PLEKHG4B: variants seen among roughly 807,000 people sequenced by gnomAD.
The protein encoded by PLEKHG4B is pleckstrin homology domain-containing family G member 4B.
A neutral mutation model predicts 121.3 loss-of-function variants in PLEKHG4B; 111 were observed. The ratio of observed to expected loss-of-function variants is 0.92; its 90% CI spans 0.78 to 1.07. The LOEUF (loss-of-function observed/expected upper bound fraction) is 1.07. Among genes scored for constraint, PLEKHG4B ranks in the 50% least tolerant of loss-of-function variants. PLEKHG4B has a pLI of 0.00. For missense variants in PLEKHG4B, 1,831 were observed against 1,757.8 expected, an observed-to-expected ratio of 1.04 and a Z score of -0.74; for synonymous variants, 738 against 725.0, an observed-to-expected ratio of 1.02 and a Z score of -0.29.
At chr5:135,187 CAA>C (rs35601775) in intron 2 of PLEKHG4B, among the ~76,000 whole-genome samples, 45 of 48,778 alleles carry the variant, frequency 9.2e-4, no homozygotes, top group South Asian at 1.7e-3. Context: ...GACTCCAGCT[CAA>C]AAAAAAAAAA....
chr5:98,126 C>T (rs1733682155), intron 1 of PLEKHG4B, among the ~76,000 whole-genome samples: 1 of 152,022 alleles, frequency 6.6e-6, no homozygotes, highest in South Asian at 2.1e-4. Flanking sequence ...GAATCCATTG[C>T]CACATGCAAA....
chr5:112,245 C>T (rs917162547), intron 1 of PLEKHG4B, among the ~76,000 whole-genome samples: 2 of 152,154 alleles, frequency 1.3e-5, no homozygotes, highest in African/African-American at 2.4e-5. Context: ...CACGCAGTTT[C>T]CAGAAGCTGA....
rs1030557296 is a variant in PLEKHG4B, at chr5:154,554, G to A, written c.1993-321G>A. On this transcript the variant is annotated intron_variant, in intron 7 of 19. Transcript: ENST00000637938. Reference sequence around the variant, plus strand: ...TCCAGAGTTTGTGGGTTTTATCTGAGAAGGGCCACCTCTGCCACACCAGAA... The same window carrying A: ...TCCAGAGTTTGTGGGTTTTATCTGAAAAGGGCCACCTCTGCCACACCAGAA... Among the ~76,000 whole-genome samples the A allele has an allele frequency of 1.1e-4, 16 of 150,952 alleles. No homozygotes were observed. In the East Asian group the frequency reaches 1.8e-3, roughly 17 times the overall value.
chr5:189,893 A>G lies in PLEKHG4B; in HGVS notation c.*7570A>G, dbSNP rs1469814487. ...TGTCTGGGAAATGGCGTTACCTGCC[A>G]CTGTTGTTAAGTGTTTACTTTGTAT... is the stretch of plus-strand genomic sequence containing the variant. On this transcript the variant is annotated 3_prime_UTR_variant, in exon 20 of 20. Transcript: ENST00000637938. The G allele has an allele frequency of 6.6e-6, 1 of 152,272 alleles. No homozygotes were observed. The allele number at this position is 152,272 out of a possible 1,614,324, so 9.4% of individuals were successfully genotyped here.
intron 11 of PLEKHG4B, among the ~76,000 whole-genome samples, chr5:160,049 C>T (rs570178102): frequency 6.6e-6 from 1 of 152,368 alleles, no homozygotes; most frequent in South Asian, 2.1e-4. Flanking sequence ...CACGTTGTGA[C>T]CGGACAGGCG....
In PLEKHG4B at chr5:162,815, G is replaced by A; in HGVS notation, c.2743G>A (p.Val915Met). ...LRSCHQEATS[V>M]AAEAFPGAGV... is the part of the protein sequence containing the mutation. ...GAGCTGTCACCAGGAGGCTACCTCG[G>A]TGGCTGCAGAGGCCTTCCCCGGGGC... The change falls in exon 13 of 20, where the codon GTG becomes ATG. Residue 915 changes from valine (V) to methionine (M), a missense_variant. Physicochemically the swap from Val to Met is conservative, Grantham distance 21 (BLOSUM62 1). Coordinates refer to ENST00000637938, the MANE Select transcript of PLEKHG4B (RefSeq NM_052909.5). 11 of 1,506,374 alleles carry A rather than the reference G, an allele frequency of 7.3e-6. No homozygotes were observed. The highest frequency in any genetic ancestry group is 9.8e-6 in the Non-Finnish European group (11 of 1,127,758). 93.3% of individuals were successfully genotyped at this position (1,506,374 alleles called of 1,614,324 possible).
rs186736792 is a variant in PLEKHG4B, at chr5:96,738, A to G, written c.45+4462A>G. ...CAGTGACCACTCATGCCTCCAAGAC[A>G]AAGATACCTTCTCCCCAAAAGACAG... On this transcript the variant is annotated intron_variant, in intron 1 of 19. Transcript: ENST00000637938. Among the ~76,000 whole-genome samples the G allele has an allele frequency of 2.2e-4, 33 of 152,334 alleles. No individual in the cohort carries two copies. In the East Asian group the frequency reaches 5.0e-3, roughly 23 times the overall value.
chr5:123,148 A>G (rs1487323026), intron 2 of PLEKHG4B, among the ~76,000 whole-genome samples: 1 of 152,182 alleles, frequency 6.6e-6, no homozygotes, highest in African/African-American at 2.4e-5. Flanking sequence ...AATAAACTAC[A>G]TACTGTAGAT....
In PLEKHG4B at chr5:157,096, G is replaced by C; in HGVS notation, c.2487+185G>C. On this transcript the variant is annotated intron_variant, in intron 11 of 19. Transcript: ENST00000637938. This position sits in a 1 kb window ranked among gnomAD's most constrained non-coding sequence, Gnocchi z 4.6. Reference sequence around the variant, plus strand: ...AAAAGAAATAAATTTTATTTTTTACGTGAGAGATACTGGATCAGTGGAGAA... The same window carrying C: ...AAAAGAAATAAATTTTATTTTTTACCTGAGAGATACTGGATCAGTGGAGAA... 1 of 922,666 alleles carries C rather than the reference G, an allele frequency of 1.1e-6. No individual in the cohort carries two copies. Among genetic ancestry groups the C allele is most frequent in the Non-Finnish European group, 1.6e-6 (1 of 611,746 alleles). 57.2% of individuals were successfully genotyped at this position (922,666 alleles called of 1,614,324 possible). A position where few individuals can be genotyped will look rare whatever the true frequency, so the allele number is the denominator to read the frequency against.
intron 6 of PLEKHG4B, among the ~76,000 whole-genome samples, chr5:146,894 C>G (rs1366640549): frequency 5.3e-5 from 8 of 151,916 alleles, no homozygotes. Flanking sequence ...TTTCTTCTTA[C>G]TTTCGCAGTA....
At chr5:99,781 A>G (rs1040338849) in intron 1 of PLEKHG4B, among the ~76,000 whole-genome samples, 1 of 152,130 alleles carries the variant, frequency 6.6e-6, no homozygotes, top group Admixed American at 6.5e-5. Flanking sequence ...AGAGGTGTAG[A>G]AAGCAGGCAT....
At chr5:135,187 C>CAAAAAAAAAAAAAA (rs35601775) in intron 2 of PLEKHG4B, among the ~76,000 whole-genome samples, 2 of 48,776 alleles carry the variant, frequency 4.1e-5, no homozygotes, top group African/African-American at 1.3e-4. Flanking sequence ...GACTCCAGCT[C>CAAAAAAAAAAAAAA]AAAAAAAAAA....
chr5:178,281 A>G (rs778439828), intron 18 of PLEKHG4B, among the ~76,000 whole-genome samples: 5 of 152,248 alleles, frequency 3.3e-5, no homozygotes, highest in Non-Finnish European at 5.9e-5. Flanking sequence ...TTAGAGAGAC[A>G]GTGCAAATAT....
rs761428697 is a variant in PLEKHG4B, at chr5:163,548, G to C, written c.3476G>C (p.Ser1159Thr). Residue 1159 changes from serine to threonine, a missense_variant and splice_region_variant, in exon 13 of 20, where the codon AGC (serine) becomes ACC (threonine). By Grantham distance (58) the Ser-to-Thr change is moderately conservative (BLOSUM62 1). Coordinates refer to ENST00000637938, the MANE Select transcript of PLEKHG4B (RefSeq NM_052909.5). Reference protein sequence around the residue: ...AEEDGRQQVGSSRLRHIMAEM... With the variant: ...AEEDGRQQVGTSRLRHIMAEM... ...GAGGATGGGAGGCAGCAGGTGGGCA[G>C]GTGAGGTGGACGTCCCCCTCCTCTC... 4 of 1,583,236 alleles carry C rather than the reference G, an allele frequency of 2.5e-6. No individual in the cohort carries two copies. Among genetic ancestry groups the C allele is most frequent in the Non-Finnish European group, 3.4e-6 (4 of 1,164,644 alleles).
chr5:110,886 A>T (rs1734137896), intron 1 of PLEKHG4B, among the ~76,000 whole-genome samples: 1 of 152,260 alleles, frequency 6.6e-6, no homozygotes, highest in South Asian at 2.1e-4. Flanking sequence ...AGAAACAAGA[A>T]TCCTGAGTTC....
chr5:166,987 C>T (rs2126448722), intron 13 of PLEKHG4B, among the ~76,000 whole-genome samples: 1 of 152,304 alleles, frequency 6.6e-6, no homozygotes, highest in Admixed American at 6.5e-5. Flanking sequence ...GCTGCACTGA[C>T]GTTTCTGTCT....
In PLEKHG4B at chr5:163,345, C is replaced by A. The variant is rs530135061; in HGVS notation, c.3273C>A (p.Pro1091=). Residue 1091 remains proline (P), a synonymous_variant, in exon 13 of 20, where the codon CCC becomes CCA. Coordinates refer to ENST00000637938, the MANE Select transcript of PLEKHG4B (RefSeq NM_052909.5). ...KKTQSFEIPQ[P]DSGPRDSCQP... The stretch of plus-strand genomic sequence containing the variant: ...CGCAAAGTTTCGAGATACCTCAGCC[C>A]GACAGTGGCCCCAGGGACTCCTGCC... The A allele has an allele frequency of 6.8e-6, 11 of 1,613,338 alleles. No individual in the cohort carries two copies. Among genetic ancestry groups the A allele is most frequent in the Non-Finnish European group, 9.3e-6 (11 of 1,180,024 alleles).
chr5:115,714 C>T (rs1404758753), intron 2 of PLEKHG4B, among the ~76,000 whole-genome samples: 5 of 152,198 alleles, frequency 3.3e-5, no homozygotes, highest in Admixed American at 3.3e-4. Context: ...TGGCTTCTTT[C>T]CTTAAACCTC....
intron 6 of PLEKHG4B, among the ~76,000 whole-genome samples, chr5:145,512 C>A (rs1471532692): frequency 3.3e-5 from 5 of 152,216 alleles, no homozygotes; most frequent in South Asian, 2.1e-4. Context: ...AGGCGCATGC[C>A]ACCATGCCCG....
Sources: gnomAD v4.1 joint callset for allele counts (sites outside exome capture counted in the v4.1 genomes callset) on GRCh38, gnomAD v4.1.1 for gene constraint, Gnocchi (gnomAD v3.1) non-coding constraint, MANE v1.5 for transcripts, NCBI Gene and HGNC (gene_info 2026-07-23, HGNC 2026-07-21) for gene names.